Variants in ENO4 observed in about 807,000 individuals in gnomAD.
ENO4 encodes the protein 2-phospho-D-glycerate hydro-lyase.
In ENO4, 53 loss-of-function variants were observed where a neutral mutation model predicts 63.2. That is an observed-to-expected ratio of 0.84 (90% CI 0.67 to 1.05). The LOEUF (loss-of-function observed/expected upper bound fraction) is 1.05, where lower values mean the gene tolerates loss of function less well. Among genes scored for constraint, ENO4 ranks in the 50% least tolerant of loss-of-function variants. The pLI is 0.00. For missense variants in ENO4, 719 were observed against 772.0 expected (o/e 0.93, Z 0.81); for synonymous variants, 266 against 283.8 (o/e 0.94, Z 0.63).
Position 116,860,828 on chromosome 10 carries a change from G to C in ENO4, c.669G>C (p.Ala223=). The stretch of plus-strand genomic sequence containing the variant: ...ATACTATTACAGAGAAACCTATTGC[G>C]CCTGCAGAGCCTGTTGAGCCTGTAC... The part of the protein sequence containing the change: ...RKDTITEKPI[A]PAEPVEPVLS... The change falls in exon 5 of 14, where the codon GCG becomes GCC. Residue 223 remains alanine, a synonymous_variant. Transcript: ENST00000341276. 1 of 1,539,080 alleles carries C rather than the reference G, an allele frequency of 6.5e-7. No homozygotes were observed. Among genetic ancestry groups the C allele is most frequent in the African/African-American group, 1.4e-5 (1 of 72,902 alleles).
intron 10 of ENO4, among the ~76,000 whole-genome samples, chr10:116,890,553 T>C (rs1344204014): frequency 1.3e-5 from 2 of 152,212 alleles, no homozygotes; most frequent in East Asian, 1.9e-4. Context: ...TTTTCACGGG[T>C]CATATTAGAC....
intron 10 of ENO4, among the ~76,000 whole-genome samples, chr10:116,875,586 C>CACACACACACACACACAT (rs61521681): frequency 6.7e-6 from 1 of 149,634 alleles, no homozygotes; most frequent in Non-Finnish European, 1.5e-5. Context: ...CACACACACA[C>CACACACACACACACACAT]ATGCACATGT....
At chr10:116,906,548 T>A in intron 10 of ENO4, 3 of 1,375,528 alleles carry the variant, frequency 2.2e-6, no homozygotes, top group Non-Finnish European at 2.9e-6. Context: ...TTTAAAAGAT[T>A]GTTTCATGTA....
intron 1 of ENO4, among the ~76,000 whole-genome samples, chr10:116,850,896 G>T (rs955864765): frequency 3.3e-5 from 5 of 152,178 alleles, no homozygotes; most frequent in African/African-American, 1.2e-4. Context: ...AACCACATTT[G>T]TGTCCCTAGT....
At position 116,859,123 on chromosome 10, in the gene ENO4, A is replaced by G; in HGVS notation, c.619A>G (p.Lys207Glu). Residue 207 changes from lysine to glutamate, a missense_variant, in exon 4 of 14, where the codon AAG (lysine) becomes GAG (glutamate). Lys to Glu is a moderately conservative substitution (Grantham distance 56). This residue lies in a region of ENO4 where 544 missense variants were observed against 583.6 expected (regional missense o/e 0.93). Coordinates refer to ENST00000341276, the MANE Select transcript of ENO4 (RefSeq NM_001242699.2). ...ACCCCCTCCACCTCCTACCAAAAAA[A>G]AGGGGCAAAAGCCAGGTTGGTTGGT... ...PPPPPPPTKK[K>E]GQKPGRKDTI... 1 of 1,530,018 alleles carries G rather than the reference A, an allele frequency of 6.5e-7. No homozygotes were observed. Among genetic ancestry groups the G allele is most frequent in the Non-Finnish European group, 8.7e-7 (1 of 1,144,468 alleles). The allele number at this position is 1,530,018 out of a possible 1,614,324, so 94.8% of individuals were successfully genotyped here.
At chr10:116,909,941 C>T (rs1848124317) in intron 10 of ENO4, among the ~76,000 whole-genome samples, 1 of 152,082 alleles carries the variant, frequency 6.6e-6, no homozygotes, top group South Asian at 2.1e-4. Context: ...GCAGGCTTTT[C>T]GTGTTCCATC....
chr10:116,859,662 T>C (rs1313052663), intron 4 of ENO4, among the ~76,000 whole-genome samples: 2 of 152,218 alleles, frequency 1.3e-5, no homozygotes, highest in Non-Finnish European at 2.9e-5. Flanking sequence ...GTACTGTTCA[T>C]TCTGGAGCTG....
intron 11 of ENO4, among the ~76,000 whole-genome samples, chr10:116,878,356 TGATA>T (rs1846893958): frequency 6.6e-6 from 1 of 152,130 alleles, no homozygotes; most frequent in East Asian, 1.9e-4. Context: ...GGGTGGTAGA[TGATA>T]GATAGGAGGC....
chr10:116,911,499 C>G, exon 11 of ENO4: 1 of 1,550,414 alleles, frequency 6.4e-7, no homozygotes, highest in Non-Finnish European at 8.7e-7. Context: ...ATATGGCCAG[C>G]CACTTCATCT....
chr10:116,854,651 G>C (rs1051744921), intron 1 of ENO4, among the ~76,000 whole-genome samples: 1 of 150,942 alleles, frequency 6.6e-6, no homozygotes, highest in Non-Finnish European at 1.5e-5. Context: ...TCTGTATCTT[G>C]AAACAAGGGG....
intron 10 of ENO4, chr10:116,901,893 A>G: frequency 6.2e-7 from 1 of 1,608,326 alleles, no homozygotes; most frequent in Non-Finnish European, 8.5e-7. Flanking sequence ...TTTTTGTTAC[A>G]CTGGATACAG....
chr10:116,911,782 ATT>A (rs1848210909), exon 11 of ENO4: 1 of 1,608,394 alleles, frequency 6.2e-7, no homozygotes. Flanking sequence ...ACTGAAATCT[ATT>A]CTTACCAGTA....
rs1223175991 is a variant in ENO4, at chr10:116,874,218, C to CCATATTTTATAA, written c.1341+29_1341+40dup. The CCATATTTTATAA allele has an allele frequency of 6.6e-7, 1 of 1,517,090 alleles. No homozygotes were observed. 94.0% of individuals were successfully genotyped at this position (1,517,090 alleles called of 1,614,324 possible). A position where few individuals can be genotyped will look rare whatever the true frequency, so the allele number is the denominator to read the frequency against. ...AGGAAGGAGGTAAGCACCCCACCTT[C>CCATATTTTATAA]CATATTTTATAACATATTTTATATG... On this transcript the variant is annotated intron_variant, in intron 10 of 13. Transcript: ENST00000341276.
rs1263781252 is a variant in ENO4 at position 116,879,992 on chromosome 10, C to T, written c.1723+6C>T. On this transcript the variant is annotated splice_donor_region_variant and intron_variant, in intron 13 of 13. Coordinates refer to ENST00000341276, the MANE Select transcript of ENO4 (RefSeq NM_001242699.2). Reference sequence around the variant, plus strand: ...TGTCCAGAATGGAACACTGGGTATGCGCTGCTTTCTTGCTTTGTTTCCACT... The same window carrying T: ...TGTCCAGAATGGAACACTGGGTATGTGCTGCTTTCTTGCTTTGTTTCCACT... 5.2e-6 allele frequency: 8 copies of T among 1,527,216 alleles called. No individual in the cohort carries two copies. The highest frequency in any genetic ancestry group is 1.2e-5 in the South Asian group (1 of 82,694). The allele number at this position is 1,527,216 out of a possible 1,614,324, so 94.6% of individuals were successfully genotyped here.
intron 3 of ENO4, among the ~76,000 whole-genome samples, chr10:116,858,440 A>G (rs1343263200): frequency 6.6e-6 from 1 of 150,468 alleles, no homozygotes; most frequent in Non-Finnish European, 1.5e-5. Flanking sequence ...TCTGATTCCT[A>G]TGTCTTTGTT....
intron 1 of ENO4, among the ~76,000 whole-genome samples, chr10:116,853,512 T>C (rs1449089643): frequency 6.6e-6 from 1 of 152,204 alleles, no homozygotes; most frequent in African/African-American, 2.4e-5. Context: ...TAGAATCCTA[T>C]ATATGTCAGG....
intron 13 of ENO4, 132 bp downstream of exon 13, chr10:116,880,118 T>C: frequency 1.6e-6 from 1 of 615,486 alleles, no homozygotes; most frequent in Non-Finnish European, 2.8e-6. Flanking sequence ...CTGACAAAAC[T>C]AGGATGGCAC....
intron 10 of ENO4, among the ~76,000 whole-genome samples, chr10:116,907,488 G>C (rs1164862340): frequency 6.6e-6 from 1 of 152,166 alleles, no homozygotes; most frequent in East Asian, 1.9e-4. Flanking sequence ...CAAGAAGACA[G>C]AGGAAGATCC....
At chr10:116,884,333 G>A (rs372377638), downstream of ENO4, 38 of 444,368 alleles carry the variant, frequency 8.6e-5, 1 homozygote, top group South Asian at 6.0e-4. Context: ...AGAAAAAGGT[G>A]AGTGAATATC....
Sources: gnomAD v4.1 joint callset for allele counts (sites outside exome capture counted in the v4.1 genomes callset) on GRCh38, gnomAD v4.1.1 for gene constraint, gnomAD v4.1.1 regional missense constraint, MANE v1.5 for transcripts, NCBI Gene and HGNC (gene_info 2026-07-23, HGNC 2026-07-21) for gene names.